Variants in MTAP observed in about 807,000 individuals in gnomAD.
MTAP encodes methylthioadenosine phosphorylase.
In MTAP, 33 loss-of-function variants were observed where a neutral mutation model predicts 33.6. That is an observed-to-expected ratio of 0.98 (90% confidence interval 0.74 to 1.31). The LOEUF (loss-of-function observed/expected upper bound fraction) is 1.31. Among genes scored for constraint, MTAP ranks in the 40% most tolerant of loss-of-function variants. MTAP has a pLI of 0.00. For missense variants in MTAP, 367 were observed against 360.0 expected, an observed-to-expected ratio of 1.02 and a Z score of -0.16; for synonymous variants, 148 against 125.7, an observed-to-expected ratio of 1.18 and a Z score of -1.19.
At chr9:21,879,250 A>G (rs1382014105) in intron 1 of MTAP, among the ~76,000 whole-genome samples, 3 of 152,144 alleles carry the variant, frequency 2.0e-5, no homozygotes, top group Admixed American at 6.6e-5. Flanking sequence ...TTGGGTGCAT[A>G]TATATTTAGT....
At chr9:21,903,820 G>C (rs968560582) in intron 1 of MTAP, among the ~76,000 whole-genome samples, 1 of 152,172 alleles carries the variant, frequency 6.6e-6, no homozygotes, top group Non-Finnish European at 1.5e-5. Flanking sequence ...AATATTTACA[G>C]CTCCTGAAGC....
intron 1 of MTAP, among the ~76,000 whole-genome samples, chr9:21,925,585 A>C (rs1439948335): frequency 6.6e-6 from 1 of 152,234 alleles, no homozygotes; most frequent in Non-Finnish European, 1.5e-5. Context: ...GTGGGAAGCC[A>C]AGACACTGGA....
At chr9:21,912,644 G>C (rs570078173) in intron 1 of MTAP, among the ~76,000 whole-genome samples, 1 of 152,240 alleles carries the variant, frequency 6.6e-6, no homozygotes, top group South Asian at 2.1e-4. Context: ...AAAATAATAA[G>C]AGCTATTTAT....
In MTAP at chr9:21,897,037, C is replaced by G. The variant is rs558321944; in HGVS notation, c.148-33971C>G. Among the ~76,000 whole-genome samples, 8 of 152,306 alleles carry G rather than the reference C, an allele frequency of 5.3e-5. No individual in the cohort carries two copies. The East Asian group carries it at 1.4e-3, about 26-fold the overall frequency. ...CATCAAAAAGCTTATCCACCATGATCAAGTGGGCTTCATCCCTGGGATGCA... is the reference window on the plus strand; with the variant it reads ...CATCAAAAAGCTTATCCACCATGATGAAGTGGGCTTCATCCCTGGGATGCA... On this transcript the variant is annotated intron_variant, in intron 1 of 1. Transcript: ENST00000577563.
chr9:21,874,842 C>G (rs1261435429), intron 1 of MTAP, among the ~76,000 whole-genome samples: 3 of 152,036 alleles, frequency 2.0e-5, no homozygotes, highest in Admixed American at 6.6e-5. Flanking sequence ...TGCTATCCCT[C>G]CCCTAGCCCA....
intron 1 of MTAP, among the ~76,000 whole-genome samples, chr9:21,919,973 A>G (rs1362208870): frequency 3.3e-5 from 5 of 152,158 alleles, no homozygotes; most frequent in Admixed American, 6.5e-5. Context: ...TTCTTCATGG[A>G]GTTATTTCTA....
At chr9:21,818,822 A>G (rs947567406) in intron 4 of MTAP, among the ~76,000 whole-genome samples, 2 of 152,250 alleles carry the variant, frequency 1.3e-5, no homozygotes, top group Non-Finnish European at 2.9e-5. Context: ...TTTGAAATAC[A>G]TAATACGTTG....
At chr9:21,933,287 T>C (rs1818991348), downstream of MTAP, 1 of 152,348 alleles carries the variant, frequency 6.6e-6, no homozygotes, top group East Asian at 1.9e-4. Context: ...GAGAGTTATT[T>C]TGAGACTCTT....
chr9:21,898,511 A>G (rs1467082930), intron 1 of MTAP, among the ~76,000 whole-genome samples: 2 of 152,248 alleles, frequency 1.3e-5, no homozygotes, highest in Non-Finnish European at 2.9e-5. Flanking sequence ...TCCAGAATCT[A>G]CAAAGAACTT....
intron 1 of MTAP, among the ~76,000 whole-genome samples, chr9:21,888,887 G>C (rs2118738288): frequency 6.6e-6 from 1 of 152,192 alleles, no homozygotes; most frequent in East Asian, 1.9e-4. Context: ...AGAACTGTGA[G>C]GCAAAAGCAT....
At chr9:21,803,680 A>G (rs1418194640) in intron 1 of MTAP, among the ~76,000 whole-genome samples, 2 of 152,168 alleles carry the variant, frequency 1.3e-5, no homozygotes, top group African/African-American at 4.8e-5. Flanking sequence ...AAAATTGATG[A>G]TAAAACTTAA....
At chr9:21,926,255 A>G (rs1818867624) in intron 1 of MTAP, among the ~76,000 whole-genome samples, 1 of 152,200 alleles carries the variant, frequency 6.6e-6, no homozygotes, top group Admixed American at 6.5e-5. Context: ...GCCAAAAGGG[A>G]CTTCATCCCC....
intron 1 of MTAP, chr9:21,808,876 A>G (rs1469199213): frequency 6.6e-6 from 1 of 152,260 alleles, no homozygotes; most frequent in East Asian, 1.9e-4. Flanking sequence ...GGACACGGAC[A>G]CATACAGAGG....
In MTAP at chr9:21,818,317, C is replaced by CTTTT. The variant is rs35709813; in HGVS notation, c.347+139_347+142dup. 2.8e-3 allele frequency: 664 copies of CTTTT among 240,706 alleles called. 18 individuals are homozygous for CTTTT. Among genetic ancestry groups the CTTTT allele is most frequent in the South Asian group, 3.3e-3 (104 of 31,606 alleles). 14.9% of individuals were successfully genotyped at this position (240,706 alleles called of 1,614,324 possible). On this transcript the variant is annotated intron_variant, in intron 4 of 7. Coordinates refer to ENST00000644715, the MANE Select transcript of MTAP (RefSeq NM_002451.4). The stretch of plus-strand genomic sequence containing the variant: ...GAGGGCAGTGCCACAGACTCGCTTG[C>CTTTT]TTTTTTTTTTTTTTTTTTTTTTTTT...
At chr9:21,817,282 T>C (rs1210402725) in intron 3 of MTAP, among the ~76,000 whole-genome samples, 2 of 152,174 alleles carry the variant, frequency 1.3e-5, no homozygotes, top group South Asian at 2.1e-4. Context: ...ATGAGTTCTC[T>C]ACTGTTGTGT....
At chr9:21,929,021 C>T (rs552688030) in intron 1 of MTAP, among the ~76,000 whole-genome samples, 4 of 152,042 alleles carry the variant, frequency 2.6e-5, no homozygotes, top group Admixed American at 6.6e-5. Flanking sequence ...ATCTTCCAGG[C>T]TCTAGTTCTC....
chr9:21,814,398 T>A (rs1824427005), intron 1 of MTAP, among the ~76,000 whole-genome samples: 1 of 152,192 alleles, frequency 6.6e-6, no homozygotes, highest in African/African-American at 2.4e-5. Context: ...GACAATAGAT[T>A]TAAAGCTTTT....
downstream of MTAP, among the ~76,000 whole-genome samples, chr9:21,870,685 A>T (rs1825922358): frequency 1.3e-5 from 2 of 151,894 alleles, no homozygotes; most frequent in Admixed American, 6.6e-5. Flanking sequence ...AACATTTAAA[A>T]ATTATGAAAT....
At chr9:21,930,745 G>C (rs1818944485) in intron 1 of MTAP, 2 of 688,614 alleles carry the variant, frequency 2.9e-6, no homozygotes, top group East Asian at 2.7e-5. Flanking sequence ...GGAGGAATTT[G>C]TTTAGCTTTA....
Sources: allele counts gnomAD v4.1 joint callset (sites outside exome capture counted in the v4.1 genomes callset), GRCh38; gene constraint gnomAD v4.1.1; transcripts MANE v1.5; gene names NCBI Gene and HGNC (gene_info 2026-07-23, HGNC 2026-07-21).